Variants in WDR70 observed in about 807,000 individuals in gnomAD.
WDR70 encodes WD repeat domain 70, also known as WD repeat-containing protein 70.
A neutral mutation model predicts 88.6 loss-of-function variants in WDR70; 53 were observed. That is an observed-to-expected ratio of 0.60 (90% CI 0.48 to 0.75). The LOEUF is 0.75. WDR70 is among the 30% of genes least tolerant of loss of function. The pLI is 0.00. For synonymous variants in WDR70, 280 were observed against 270.0 expected, an observed-to-expected ratio of 1.04 and a Z score of -0.36; for missense variants, 610 against 823.2, an observed-to-expected ratio of 0.74 and a Z score of 3.17.
intron 7 of WDR70, among the ~76,000 whole-genome samples, chr5:37,462,541 A>G (rs897228813): frequency 3.3e-5 from 5 of 152,078 alleles, no homozygotes; most frequent in Admixed American, 2.6e-4. Context: ...TGACCTTGTG[A>G]TCCGCCCGCC....
chr5:37,644,296 A>G (rs913660497), intron 10 of WDR70, among the ~76,000 whole-genome samples: 4 of 151,878 alleles, frequency 2.6e-5, no homozygotes, highest in African/African-American at 4.8e-5. Context: ...TTTGATTTGC[A>G]TATGTTAAAC....
chr5:37,423,564 CTT>C (rs374709152), intron 5 of WDR70, among the ~76,000 whole-genome samples: 3 of 118,400 alleles, frequency 2.5e-5, no homozygotes, highest in Non-Finnish European at 3.5e-5. Flanking sequence ...TTTTTTTTGT[CTT>C]TTTTTTTTTT....
intron 5 of WDR70, among the ~76,000 whole-genome samples, chr5:37,405,964 G>A (rs1581253898): frequency 6.6e-6 from 1 of 152,124 alleles, no homozygotes; most frequent in African/African-American, 2.4e-5. Flanking sequence ...GATCACTTGA[G>A]CCTGGGAAGT....
At chr5:37,396,336 T>C in intron 4 of WDR70, 39 bp from the exon 5 acceptor site, 5 of 1,551,216 alleles carry the variant, frequency 3.2e-6, no homozygotes, top group Non-Finnish European at 4.3e-6. Flanking sequence ...TGCTCTTCAT[T>C]GCAGCAGAGG....
At chr5:37,385,591 G>A (rs1382620101) in intron 3 of WDR70, among the ~76,000 whole-genome samples, 5 of 71,826 alleles carry the variant, frequency 7.0e-5, no homozygotes, top group Non-Finnish European at 2.0e-4. Context: ...GGTGGGTGGG[G>A]ATGAAAGTTC....
chr5:37,481,588 G>A (rs962279780), intron 8 of WDR70, among the ~76,000 whole-genome samples: 3 of 152,088 alleles, frequency 2.0e-5, no homozygotes, highest in African/African-American at 7.2e-5. Context: ...ACAGCAGGGG[G>A]TTCTGGACCC....
chr5:37,629,999 C>T (rs1183817764), intron 10 of WDR70, among the ~76,000 whole-genome samples: 1 of 152,070 alleles, frequency 6.6e-6, no homozygotes, highest in Non-Finnish European at 1.5e-5. Context: ...TAGGTGGACA[C>T]AGTAGTGTAG....
At chr5:37,651,605 A>G (rs1285952835) in intron 10 of WDR70, among the ~76,000 whole-genome samples, 1 of 152,208 alleles carries the variant, frequency 6.6e-6, no homozygotes, top group African/African-American at 2.4e-5. Context: ...CTATTTCTCC[A>G]CATCCTCTCC....
chr5:37,446,899 A>G (rs931254021), intron 7 of WDR70, among the ~76,000 whole-genome samples: 2 of 152,228 alleles, frequency 1.3e-5, no homozygotes, highest in African/African-American at 4.8e-5. Context: ...TCATGTCTAA[A>G]ACACCAAAAG....
At chr5:37,506,844 G>A in intron 8 of WDR70, 1 of 1,266,818 alleles carries the variant, frequency 7.9e-7, no homozygotes. Context: ...TCAGGAACAG[G>A]GTCACCCGCC....
intron 8 of WDR70, among the ~76,000 whole-genome samples, chr5:37,507,937 TCCTTTTACAATCCGAATG>T (rs1349377699): frequency 1.3e-5 from 2 of 152,222 alleles, no homozygotes; most frequent in Non-Finnish European, 2.9e-5. Flanking sequence ...GTTTTATTTC[TCCTTTTACAATCCGAATG>T]CCTTTTATTT....
intron 9 of WDR70, among the ~76,000 whole-genome samples, chr5:37,550,011 G>A (rs1326386642): frequency 6.6e-6 from 1 of 152,046 alleles, no homozygotes; most frequent in East Asian, 1.9e-4. Context: ...ACAGGCATGT[G>A]TCACAATGCC....
intron 10 of WDR70, among the ~76,000 whole-genome samples, chr5:37,663,649 C>T (rs1745760549): frequency 6.6e-6 from 1 of 152,186 alleles, no homozygotes; most frequent in Non-Finnish European, 1.5e-5. Context: ...TATCTCCTCT[C>T]ATTTACTTGG....
At chr5:37,451,367 G>A (rs1214428782) in intron 7 of WDR70, among the ~76,000 whole-genome samples, 3 of 152,124 alleles carry the variant, frequency 2.0e-5, no homozygotes, top group Admixed American at 1.3e-4. Context: ...AACTTTCAGT[G>A]GTAATGGAGA....
At chr5:37,579,736 T>C (rs543476338) in intron 9 of WDR70, among the ~76,000 whole-genome samples, 1 of 152,306 alleles carries the variant, frequency 6.6e-6, no homozygotes, top group African/African-American at 2.4e-5. Flanking sequence ...TGGTATTTTC[T>C]TTCTTACAGT....
chr5:37,737,871 C>T (rs1036747667), intron 17 of WDR70, among the ~76,000 whole-genome samples: 1 of 151,758 alleles, frequency 6.6e-6, no homozygotes, highest in Admixed American at 6.6e-5. Flanking sequence ...TTTCCATCTT[C>T]ACAGTCTTTG....
chr5:37,412,157 C>T (rs1342481473), intron 5 of WDR70, among the ~76,000 whole-genome samples: 1 of 151,982 alleles, frequency 6.6e-6, no homozygotes, highest in South Asian at 2.1e-4. Flanking sequence ...GAGGCTGAGG[C>T]GGGCAGATCA....
intron 10 of WDR70, among the ~76,000 whole-genome samples, chr5:37,635,957 G>A (rs1744952752): frequency 6.6e-6 from 1 of 152,140 alleles, no homozygotes; most frequent in Non-Finnish European, 1.5e-5. Context: ...TCTTGCTGCT[G>A]CCATGCAGGA....
chr5:37,567,540 G>C (rs891745300), intron 9 of WDR70, among the ~76,000 whole-genome samples: 1 of 151,898 alleles, frequency 6.6e-6, no homozygotes, highest in African/African-American at 2.4e-5. Flanking sequence ...TTCCATGCTA[G>C]ATAACTCCAT....
Sources: gnomAD v4.1 joint callset for allele counts (sites outside exome capture counted in the v4.1 genomes callset) on GRCh38, gnomAD v4.1.1 for gene constraint, MANE v1.5 for transcripts, NCBI Gene and HGNC (gene_info 2026-07-23, HGNC 2026-07-21) for gene names.